Variants in RSPO2 observed in about 807,000 individuals in gnomAD.
RSPO2 encodes R-spondin 2.
A neutral mutation model predicts 30.9 loss-of-function variants in RSPO2; 14 were observed. That is an observed-to-expected ratio of 0.45 (90% CI 0.30 to 0.71). The LOEUF (loss-of-function observed/expected upper bound fraction) is 0.71. Among genes scored for constraint, RSPO2 ranks in the 30% least tolerant of loss-of-function variants. RSPO2 has a pLI of 0.08. For missense variants in RSPO2, 264 were observed against 301.9 expected, an observed-to-expected ratio of 0.87 and a Z score of 0.93; for synonymous variants, 107 against 96.4, an observed-to-expected ratio of 1.11 and a Z score of -0.64.
intron 3 of RSPO2, among the ~76,000 whole-genome samples, chr8:107,977,387 G>C (rs112777372): frequency 6.6e-6 from 1 of 152,120 alleles, no homozygotes; most frequent in Admixed American, 6.5e-5. Flanking sequence ...AAACTCTGGC[G>C]GTGCAATCTT....
intron 2 of RSPO2, among the ~76,000 whole-genome samples, chr8:108,053,602 A>G (rs566794622): frequency 1.3e-5 from 2 of 152,334 alleles, no homozygotes; most frequent in East Asian, 3.9e-4. Flanking sequence ...TAAGAGTTCA[A>G]ATATACTGGA....
chr8:107,999,285 T>G (rs1207923681), intron 2 of RSPO2, among the ~76,000 whole-genome samples: 1 of 152,130 alleles, frequency 6.6e-6, no homozygotes, highest in Admixed American at 6.5e-5. Flanking sequence ...AAAATGGTAT[T>G]TCTAAACATT....
intron 2 of RSPO2, among the ~76,000 whole-genome samples, chr8:108,057,120 G>C (rs1309666800): frequency 8.1e-6 from 1 of 123,816 alleles, no homozygotes; most frequent in Non-Finnish European, 1.7e-5. Context: ...GTTATTGATA[G>C]CATATTAATA....
chr8:107,983,622 G>A, intron 3 of RSPO2: 3 of 1,595,682 alleles, frequency 1.9e-6, no homozygotes, highest in Non-Finnish European at 2.6e-6. Context: ...CAATTATAGA[G>A]GAGCAGGCAA....
intron 2 of RSPO2, chr8:107,997,034 G>C: frequency 2.6e-6 from 1 of 380,460 alleles, no homozygotes. Context: ...CTTCAATCAT[G>C]ATGCTGCTCA....
intron 2 of RSPO2, among the ~76,000 whole-genome samples, chr8:108,016,667 T>G (rs1279297788): frequency 1.3e-5 from 2 of 152,226 alleles, no homozygotes; most frequent in Non-Finnish European, 2.9e-5. Flanking sequence ...GGTTTGGATG[T>G]GTGTCTCCAC....
At chr8:108,043,226 G>C (rs1811808815) in intron 2 of RSPO2, among the ~76,000 whole-genome samples, 1 of 152,084 alleles carries the variant, frequency 6.6e-6, no homozygotes, top group East Asian at 1.9e-4. Context: ...TCAATTTGTA[G>C]CGGGAAGTTT....
intron 5 of RSPO2, among the ~76,000 whole-genome samples, chr8:107,952,652 G>A (rs1014588309): frequency 6.6e-6 from 1 of 152,084 alleles, no homozygotes; most frequent in Non-Finnish European, 1.5e-5. Flanking sequence ...TATGTCCATC[G>A]CATATTTTCT....
At chr8:107,981,279 G>A (rs1250708383) in intron 3 of RSPO2, among the ~76,000 whole-genome samples, 2 of 152,098 alleles carry the variant, frequency 1.3e-5, no homozygotes, top group African/African-American at 4.8e-5. Context: ...AGCACTTTGG[G>A]AGGCCAAGAT....
At chr8:107,910,092 G>T (rs1286732429) in intron 5 of RSPO2, among the ~76,000 whole-genome samples, 1 of 152,172 alleles carries the variant, frequency 6.6e-6, no homozygotes, top group Admixed American at 6.5e-5. Context: ...TGATTAGGAG[G>T]TATGGGATAA....
chr8:107,938,409 G>A (rs1339846572), intron 5 of RSPO2, among the ~76,000 whole-genome samples: 2 of 151,946 alleles, frequency 1.3e-5, no homozygotes, highest in Non-Finnish European at 2.9e-5. Context: ...AGCTTTTCTT[G>A]TCAAAATATA....
chr8:108,046,336 A>G (rs1811908230), intron 2 of RSPO2, among the ~76,000 whole-genome samples: 5 of 152,214 alleles, frequency 3.3e-5, no homozygotes, highest in Admixed American at 3.3e-4. Context: ...GAACAATTAT[A>G]GATTTTTCTC....
intron 2 of RSPO2, among the ~76,000 whole-genome samples, chr8:108,066,500 G>A (rs1812671996): frequency 6.6e-6 from 1 of 151,904 alleles, no homozygotes; most frequent in African/African-American, 2.4e-5. Context: ...AGCAGAAACT[G>A]TTGGAAGACT....
At chr8:108,067,320 T>C (rs1160640563) in intron 2 of RSPO2, among the ~76,000 whole-genome samples, 1 of 152,222 alleles carries the variant, frequency 6.6e-6, no homozygotes, top group African/African-American at 2.4e-5. Context: ...AATAACGAAT[T>C]TTGTCAGGTA....
intron 2 of RSPO2, among the ~76,000 whole-genome samples, chr8:107,994,508 C>A (rs1419940009): frequency 6.6e-6 from 1 of 152,058 alleles, no homozygotes; most frequent in South Asian, 2.1e-4. Context: ...AAGTTCACTG[C>A]ATCTGATGGG....
chr8:107,992,840 T>C (rs1814890788), intron 2 of RSPO2, among the ~76,000 whole-genome samples: 1 of 152,206 alleles, frequency 6.6e-6, no homozygotes, highest in African/African-American at 2.4e-5. Context: ...CAAACTATAA[T>C]TCTATAAGCA....
At chr8:107,981,040 A>T (rs1221022972) in intron 3 of RSPO2, among the ~76,000 whole-genome samples, 2 of 152,258 alleles carry the variant, frequency 1.3e-5, no homozygotes, top group African/African-American at 4.8e-5. Flanking sequence ...TACTGGGGTT[A>T]CATCAATATA....
intron 2 of RSPO2, among the ~76,000 whole-genome samples, chr8:108,000,910 G>A (rs1046638773): frequency 9.9e-5 from 15 of 152,072 alleles, no homozygotes; most frequent in Admixed American, 6.6e-5. Context: ...GCTGAGGCAG[G>A]AGAATGGCTT....
rs370077632 is a variant in RSPO2, at chr8:107,985,049, G to T, written c.283+4007C>A. On this transcript the variant is annotated intron_variant, in intron 3 of 5. Transcript: ENST00000276659. ...AGTTGTGCAAATAGAAAAAAGGGGA[G>T]CAGTGACTCTGGTAAACATCCTATA... is the stretch of plus-strand genomic sequence containing the variant. Among the ~76,000 whole-genome samples the T allele has an allele frequency of 9.2e-5, 14 of 152,258 alleles. No homozygotes were observed. The East Asian group carries it at 1.9e-3, about 21-fold the overall frequency.
Sources: allele counts gnomAD v4.1 joint callset (sites outside exome capture counted in the v4.1 genomes callset), GRCh38; gene constraint gnomAD v4.1.1; transcripts MANE v1.5; gene names NCBI Gene and HGNC (gene_info 2026-07-23, HGNC 2026-07-21).